Variants in SCGB1A1 observed in about 807,000 individuals in gnomAD.
The protein encoded by SCGB1A1 is uteroglobin.
Under a neutral mutation model 7.5 loss-of-function variants are expected in SCGB1A1, and 8 were observed. The ratio of observed to expected loss-of-function variants is 1.07; its 90% CI spans 0.63 to 1.92. The LOEUF (loss-of-function observed/expected upper bound fraction) is 1.92, where lower values mean the gene tolerates loss of function less well. SCGB1A1 is among the 30% of genes most tolerant of loss of function. The probability of loss-of-function intolerance (pLI) is 0.00; values close to 1 mark genes in which losing one functional copy is unlikely to be tolerated. For synonymous variants in SCGB1A1, 44 were observed against 40.8 expected, an observed-to-expected ratio of 1.08 and a Z score of -0.30; for missense variants, 121 against 112.7, an observed-to-expected ratio of 1.07 and a Z score of -0.33.
chr11:62,420,579 T>C (rs913721621), intron 1 of SCGB1A1, among the ~76,000 whole-genome samples: 2 of 150,020 alleles, frequency 1.3e-5, no homozygotes, highest in African/African-American at 4.9e-5. Flanking sequence ...CCCAAAGTGC[T>C]GGGATTAGGC....
chr11:62,419,714 C>T (rs10897271), intron 1 of SCGB1A1, among the ~76,000 whole-genome samples: 46,265 of 151,956 alleles, frequency 0.3, 7,312 homozygotes, highest in Non-Finnish European at 0.35. Context: ...TAAACATTTC[C>T]GTCCTCTGCA....
At chr11:62,420,264 A>C (rs1460131277) in intron 1 of SCGB1A1, among the ~76,000 whole-genome samples, 2 of 151,248 alleles carry the variant, frequency 1.3e-5, no homozygotes, top group Non-Finnish European at 2.9e-5. Context: ...CACTTACTTC[A>C]CACAATGTGC....
At position 62,419,044 on chromosome 11, in the gene SCGB1A1, C is replaced by A; in HGVS notation, c.-52C>A. ...GCTGGGCATGTCTCATACTAGCCCA[C>A]CAGACTCAGAGACGGAACCAGAGAC... On this transcript the variant is annotated 5_prime_UTR_variant, in exon 1 of 3. Coordinates refer to ENST00000278282, the MANE Select transcript of SCGB1A1 (RefSeq NM_003357.5). 1 of 1,516,700 alleles carries A rather than the reference C, an allele frequency of 6.6e-7. No individual in the cohort carries two copies. The highest frequency in any genetic ancestry group is 8.9e-7 in the Non-Finnish European group (1 of 1,117,810). 94.0% of individuals were successfully genotyped at this position (1,516,700 alleles called of 1,614,324 possible). A position where few individuals can be genotyped will look rare whatever the true frequency, so the allele number is the denominator to read the frequency against.
In SCGB1A1 at chr11:62,421,491, TCTTG is replaced by T. The variant is rs10676203; in HGVS notation, c.56-698_56-695del. 3.1e-3 allele frequency among the ~76,000 whole-genome samples: 458 copies of T among 148,846 alleles called. 2 individuals are homozygous for T. The highest frequency in any genetic ancestry group is 9.8e-3 in the East Asian group (49 of 5,018). On this transcript the variant is annotated intron_variant, in intron 1 of 2. Transcript: ENST00000278282. ...CTTTTCTTTTCTTCTTTTTCTTTTC[TCTTG>T]CTTGCTTGCTTGCTTGCTTGCTTGC...
At chr11:62,422,755 G>A (rs1937833297) in intron 2 of SCGB1A1, among the ~76,000 whole-genome samples, 1 of 151,908 alleles carries the variant, frequency 6.6e-6, no homozygotes, top group Non-Finnish European at 1.5e-5. Flanking sequence ...CTGTATTTTT[G>A]TAGAGATGGG....
At chr11:62,419,231 A>G in intron 1 of SCGB1A1, 81 bp downstream of exon 1, 1 of 1,141,776 alleles carries the variant, frequency 8.8e-7, no homozygotes, top group Non-Finnish European at 1.2e-6. Context: ...AGAAGGAGTG[A>G]GCTGCCCATT....
chr11:62,419,040 C>A lies in SCGB1A1; in HGVS notation c.-56C>A, dbSNP rs1423360921. On this transcript the variant is annotated 5_prime_UTR_variant, in exon 1 of 3. Transcript: ENST00000278282. ...CCTTGCTGGGCATGTCTCATACTAGCCCACCAGACTCAGAGACGGAACCAG... is the reference window on the plus strand; with the variant it reads ...CCTTGCTGGGCATGTCTCATACTAGACCACCAGACTCAGAGACGGAACCAG... 30 of 1,503,422 alleles carry A rather than the reference C, an allele frequency of 2.0e-5. No homozygotes were observed. The Admixed American group carries it at 5.2e-4, about 26-fold the overall frequency. 93.1% of individuals were successfully genotyped at this position (1,503,422 alleles called of 1,614,324 possible).
Position 62,423,048 on chromosome 11 carries a change from A to T in SCGB1A1, c.244-11A>T, listed in dbSNP as rs773170432. Reference sequence around the variant, plus strand: ...ATTGGGTTTTTCTGTTTCTTTGTCTATTTGTTTTAGGAAAAAATAGCCCAA... The same window carrying T: ...ATTGGGTTTTTCTGTTTCTTTGTCTTTTTGTTTTAGGAAAAAATAGCCCAA... On this transcript the variant is annotated splice_polypyrimidine_tract_variant and intron_variant, in intron 2 of 2. Transcript: ENST00000278282. The T allele has an allele frequency of 5.3e-5, 85 of 1,613,112 alleles. No homozygotes were observed. The highest frequency in any genetic ancestry group is 7.0e-5 in the Non-Finnish European group (82 of 1,179,396).
intron 1 of SCGB1A1, chr11:62,421,952 T>C (rs1937804704): frequency 7.7e-6 from 2 of 259,644 alleles, no homozygotes; most frequent in Non-Finnish European, 1.5e-5. Context: ...GCCTCCACAC[T>C]GCATTAAAAA....
In SCGB1A1 at chr11:62,423,178, T is replaced by A; in HGVS notation, c.*87T>A. The A allele has an allele frequency of 7.2e-7, 1 of 1,391,240 alleles. No individual in the cohort carries two copies. The allele number at this position is 1,391,240 out of a possible 1,614,324, so 86.2% of individuals were successfully genotyped here. On this transcript the variant is annotated 3_prime_UTR_variant, in exon 3 of 3. Coordinates refer to ENST00000278282, the MANE Select transcript of SCGB1A1 (RefSeq NM_003357.5). ...CGCCCACCAGCCTTGCTCTCTTCAA[T>A]AAACCACAAGCATCTCACTTTTGTG...
chr11:62,419,146 C>T lies in SCGB1A1; in HGVS notation c.51C>T (p.Ser17=), dbSNP rs1436203683. The change falls in exon 1 of 3, where the codon AGC becomes AGT. Residue 17 remains serine (S), a synonymous_variant. Transcript: ENST00000278282. ...LTLVTLALCC[S]SASAEICPSF... Reference sequence around the variant, plus strand: ...TGGTCACACTGGCTCTCTGCTGCAGCTCCGGTGAGTGCTCAGAGACCCTTC... The same window carrying T: ...TGGTCACACTGGCTCTCTGCTGCAGTTCCGGTGAGTGCTCAGAGACCCTTC... 1.3e-6 allele frequency: 2 copies of T among 1,564,814 alleles called. No homozygotes were observed. Among genetic ancestry groups the T allele is most frequent in the South Asian group, 1.2e-5 (1 of 82,740 alleles).
chr11:62,421,234 C>A (rs1420600025), intron 1 of SCGB1A1, among the ~76,000 whole-genome samples: 1 of 152,084 alleles, frequency 6.6e-6, no homozygotes. Context: ...AAGATGGAGG[C>A]AAGCAGTGGG....
At chr11:62,422,099 T>A (rs1937809057) in intron 1 of SCGB1A1, 122 bp from the exon 2 acceptor site, 1 of 716,272 alleles carries the variant, frequency 1.4e-6, no homozygotes, top group Non-Finnish European at 2.3e-6. Context: ...AGTCCATCGA[T>A]GAAAAGGCTG....
chr11:62,419,711 T>G (rs989145741), intron 1 of SCGB1A1, among the ~76,000 whole-genome samples: 1 of 152,142 alleles, frequency 6.6e-6, no homozygotes, highest in African/African-American at 2.4e-5. Flanking sequence ...TTCTAAACAT[T>G]TCCGTCCTCT....
At position 62,423,088 on chromosome 11, in the gene SCGB1A1, T is replaced by C. The variant is rs747262790; in HGVS notation, c.273T>C (p.Asn91=). ...MEKIAQSSLC[N] is the part of the protein sequence containing the mutation. ...AAATAGCCCAAAGCTCACTGTGTAA[T>C]TAGCATTTAGAAGCTGAAGATCCCC... Residue 91 remains asparagine, a synonymous_variant, in exon 3 of 3, where the codon AAT becomes AAC. Coordinates refer to ENST00000278282, the MANE Select transcript of SCGB1A1 (RefSeq NM_003357.5). The C allele has an allele frequency of 1.1e-5, 18 of 1,614,042 alleles. No individual in the cohort carries two copies. The highest frequency in any genetic ancestry group is 1.4e-5 in the Non-Finnish European group (16 of 1,179,990).
In SCGB1A1 at chr11:62,422,272, T is replaced by G. The variant is rs745391584; in HGVS notation, c.107T>G (p.Met36Arg). Residue 36 changes from methionine to arginine, a missense_variant, in exon 2 of 3, where the codon ATG becomes AGG. Coordinates refer to ENST00000278282, the MANE Select transcript of SCGB1A1 (RefSeq NM_003357.5). Reference sequence around the variant, plus strand: ...CAGCGTGTCATCGAAACCCTCCTCATGGACACACCCTCCAGTTATGAGGCT... The same window carrying G: ...CAGCGTGTCATCGAAACCCTCCTCAGGGACACACCCTCCAGTTATGAGGCT... The part of the protein sequence containing the change: ...SFQRVIETLL[M>R]DTPSSYEAAM... 6.2e-7 allele frequency: 1 copy of G among 1,613,986 alleles called. No individual in the cohort carries two copies. The highest frequency in any genetic ancestry group is 1.7e-5 in the Admixed American group (1 of 60,004).
chr11:62,419,114 C>G lies in SCGB1A1; in HGVS notation c.19C>G (p.Leu7Val). MKLAVTLTLVTLALCCS... is the reference protein window; with the variant it reads MKLAVTVTLVTLALCCS... ...CTCCACCATGAAACTCGCTGTCACC[C>G]TCACCCTGGTCACACTGGCTCTCTG... Residue 7 changes from leucine to valine, a missense_variant, in exon 1 of 3, where the codon CTC becomes GTC. Coordinates refer to ENST00000278282, the MANE Select transcript of SCGB1A1 (RefSeq NM_003357.5). 2 of 1,586,038 alleles carry G rather than the reference C, an allele frequency of 1.3e-6. No individual in the cohort carries two copies. Among genetic ancestry groups the G allele is most frequent in the Non-Finnish European group, 1.7e-6 (2 of 1,163,616 alleles).
In SCGB1A1 at chr11:62,419,148, C is replaced by T; in HGVS notation, c.53C>T (p.Ser18Phe). ...GTCACACTGGCTCTCTGCTGCAGCT[C>T]CGGTGAGTGCTCAGAGACCCTTCCC... ...TLVTLALCCS[S>F]ASAEICPSFQ... The change falls in exon 1 of 3, where the codon TCC becomes TTC. Residue 18 changes from serine (S) to phenylalanine (F), a missense_variant and splice_region_variant. Ser to Phe is a radical substitution (Grantham distance 155). Coordinates refer to ENST00000278282, the MANE Select transcript of SCGB1A1 (RefSeq NM_003357.5). The T allele has an allele frequency of 1.3e-6, 2 of 1,561,640 alleles. No homozygotes were observed. Among genetic ancestry groups the T allele is most frequent in the Non-Finnish European group, 1.7e-6 (2 of 1,149,204 alleles).
intron 1 of SCGB1A1, among the ~76,000 whole-genome samples, chr11:62,419,595 AC>A (rs1477604448): frequency 6.6e-6 from 1 of 152,138 alleles, no homozygotes. Context: ...GGGACTCGTG[AC>A]CCCAAAAGAA....
Sources: gnomAD v4.1 joint callset for allele counts (sites outside exome capture counted in the v4.1 genomes callset) on GRCh38, gnomAD v4.1.1 for gene constraint, MANE v1.5 for transcripts, NCBI Gene and HGNC (gene_info 2026-07-23, HGNC 2026-07-21) for gene names.